Variants in CDH4 observed in about 807,000 individuals in gnomAD.
The protein encoded by CDH4 is cadherin 4.
CDH4 carries 33 observed loss-of-function variants against 86.0 expected under a neutral mutation model. The ratio of observed to expected loss-of-function variants is 0.38; its 90% CI spans 0.29 to 0.51. The LOEUF (loss-of-function observed/expected upper bound fraction) is 0.51. Ranked by LOEUF, CDH4 falls within the 20% of genes least tolerant of loss-of-function variation. The pLI is 0.86. For missense variants in CDH4, 1,114 were observed against 1,307.4 expected, an observed-to-expected ratio of 0.85 and a Z score of 2.28; for synonymous variants, 555 against 549.4, an observed-to-expected ratio of 1.01 and a Z score of -0.14.
intron 2 of CDH4, among the ~76,000 whole-genome samples, chr20:61,602,692 AT>A (rs2086610869): frequency 1.3e-5 from 1 of 75,296 alleles, no homozygotes; most frequent in Admixed American, 1.5e-4. Flanking sequence ...CATTCACTTT[AT>A]TAAAAAAAAA....
At chr20:61,547,456 C>T (rs2086097074) in intron 2 of CDH4, among the ~76,000 whole-genome samples, 1 of 151,822 alleles carries the variant, frequency 6.6e-6, no homozygotes, top group African/African-American at 2.4e-5. Flanking sequence ...CCTTGTGATC[C>T]ACCCACCTCA....
At chr20:61,601,018 G>C (rs981274369) in intron 2 of CDH4, among the ~76,000 whole-genome samples, 2 of 152,142 alleles carry the variant, frequency 1.3e-5, no homozygotes, top group African/African-American at 4.8e-5. Flanking sequence ...TCCCTTGTGT[G>C]TTAGTCTGTT....
At chr20:61,707,389 G>T (rs746201087) in intron 2 of CDH4, among the ~76,000 whole-genome samples, 1 of 152,238 alleles carries the variant, frequency 6.6e-6, no homozygotes, top group East Asian at 1.9e-4. Context: ...CTGTTATACA[G>T]GGAAAGGACA....
chr20:61,757,449 C>A (rs574060236), intron 3 of CDH4, among the ~76,000 whole-genome samples: 1 of 152,244 alleles, frequency 6.6e-6, no homozygotes, highest in Non-Finnish European at 1.5e-5. Flanking sequence ...CAGCCTTGAA[C>A]GACATCTGGG....
At chr20:61,914,563 C>A (rs537071425) in intron 9 of CDH4, among the ~76,000 whole-genome samples, 2 of 151,084 alleles carry the variant, frequency 1.3e-5, no homozygotes, top group East Asian at 2.0e-4. Context: ...AGCAGAATAA[C>A]CCTGGAATCG....
At chr20:61,853,299 C>T (rs1183105944) in intron 6 of CDH4, among the ~76,000 whole-genome samples, 2 of 152,084 alleles carry the variant, frequency 1.3e-5, no homozygotes, top group Non-Finnish European at 1.5e-5. Flanking sequence ...GCTAGGGGAG[C>T]AAGGTGCCCA....
chr20:61,638,462 A>T (rs933688486), intron 2 of CDH4, among the ~76,000 whole-genome samples: 2 of 152,152 alleles, frequency 1.3e-5, no homozygotes, highest in African/African-American at 4.8e-5. Flanking sequence ...ATATGAACAG[A>T]AGAGCAGGAA....
In CDH4 at chr20:61,873,736, G is replaced by A. The variant is rs770909673; in HGVS notation, c.886G>A (p.Val296Met). The change falls in exon 7 of 16, where the codon GTG becomes ATG. Residue 296 changes from valine (V) to methionine (M), a missense_variant. By Grantham distance (21) the Val-to-Met change is conservative (BLOSUM62 1). This residue lies in a region of CDH4 where 705 missense variants were observed against 914.1 expected (regional missense o/e 0.77). Transcript: ENST00000614565. ...TGCTGTCTCCGTTCCAGGCACCTAC[G>A]TGATGACCGTCACGGCCAACGATGC... The part of the protein sequence containing the change: ...VDEGSKPGTY[V>M]MTVTANDADD... 11 of 1,613,140 alleles carry A rather than the reference G, an allele frequency of 6.8e-6. No homozygotes were observed. The highest frequency in any genetic ancestry group is 1.6e-4 in the Middle Eastern group (1 of 6,084).
At chr20:61,296,201 T>A (rs1425982406) in intron 2 of CDH4, among the ~76,000 whole-genome samples, 12 of 151,604 alleles carry the variant, frequency 7.9e-5, no homozygotes, top group African/African-American at 2.7e-4. Flanking sequence ...TGTGTGTGTG[T>A]GAGAGAGAGA....
chr20:61,721,744 CT>C lies in CDH4; in HGVS notation c.170-21818del, dbSNP rs2088044598. On this transcript the variant is annotated intron_variant, in intron 2 of 15. Coordinates refer to ENST00000614565, the MANE Select transcript of CDH4 (RefSeq NM_001794.5). Reference sequence around the variant, plus strand: ...TGAGGCTTGGGGATCGGTCAAGGACCTCGTGAAGTATCAATCACCTCCAAAC... The same window carrying C: ...TGAGGCTTGGGGATCGGTCAAGGACCCGTGAAGTATCAATCACCTCCAAAC... Among the ~76,000 whole-genome samples, 7 of 152,290 alleles carry C rather than the reference CT, an allele frequency of 4.6e-5. No homozygotes were observed. In the South Asian group the frequency reaches 1.5e-3, roughly 32 times the overall value.
chr20:61,680,984 T>C (rs912537949), intron 2 of CDH4, among the ~76,000 whole-genome samples: 2 of 152,200 alleles, frequency 1.3e-5, no homozygotes, highest in Admixed American at 1.3e-4. Flanking sequence ...AGAATTCCTA[T>C]TTGTTCCCTC....
At chr20:61,794,995 C>T (rs1979446481) in intron 4 of CDH4, among the ~76,000 whole-genome samples, 1 of 150,186 alleles carries the variant, frequency 6.7e-6, no homozygotes, top group Non-Finnish European at 1.5e-5. Context: ...ACAGAGTGTT[C>T]CTCCACTGGG....
At chr20:61,845,440 C>T (rs866884290) in intron 5 of CDH4, among the ~76,000 whole-genome samples, 3 of 152,142 alleles carry the variant, frequency 2.0e-5, no homozygotes, top group Non-Finnish European at 4.4e-5. Flanking sequence ...CCTCCCGGGC[C>T]GAACTGACCC....
At chr20:61,297,254 C>T (rs2084360323) in intron 2 of CDH4, among the ~76,000 whole-genome samples, 2 of 152,136 alleles carry the variant, frequency 1.3e-5, no homozygotes, top group Admixed American at 6.5e-5. Context: ...CGCACGGTGG[C>T]ATGTGCCTGT....
At chr20:61,568,725 C>T (rs1198384048) in intron 2 of CDH4, among the ~76,000 whole-genome samples, 3 of 152,226 alleles carry the variant, frequency 2.0e-5, no homozygotes. Flanking sequence ...TTGGCTCAGA[C>T]ACCGCCTTTT....
intron 2 of CDH4, among the ~76,000 whole-genome samples, chr20:61,285,201 T>G (rs2084286815): frequency 6.6e-6 from 1 of 152,224 alleles, no homozygotes; most frequent in African/African-American, 2.4e-5. Flanking sequence ...TTGGCGTTAT[T>G]GGCACCATTT....
At chr20:61,666,779 G>A (rs546990316) in intron 2 of CDH4, among the ~76,000 whole-genome samples, 49 of 152,330 alleles carry the variant, frequency 3.2e-4, no homozygotes, top group African/African-American at 8.9e-4. Flanking sequence ...GGAATCTGCC[G>A]GCCACAGTGG....
rs375085484 is a variant in CDH4 at position 61,851,734 on chromosome 20, G to A, written c.733-1020G>A. 1.2e-4 allele frequency among the ~76,000 whole-genome samples: 18 copies of A among 152,284 alleles called. No homozygotes were observed. The South Asian group carries it at 3.1e-3, about 26-fold the overall frequency. ...CCCCCTCGCCTGCCGGCAGCGCCCA[G>A]CCTCTCTGTGTCCTCTGCCTTGGCC... On this transcript the variant is annotated intron_variant, in intron 5 of 15. Transcript: ENST00000614565.
intron 2 of CDH4, among the ~76,000 whole-genome samples, chr20:61,472,660 G>A (rs1412073415): frequency 6.6e-6 from 1 of 152,206 alleles, no homozygotes; most frequent in Non-Finnish European, 1.5e-5. Context: ...CTCACAGCTT[G>A]ACTGTCAGAA....
Sources: gnomAD v4.1 joint callset for allele counts (sites outside exome capture counted in the v4.1 genomes callset) on GRCh38, gnomAD v4.1.1 for gene constraint, gnomAD v4.1.1 regional missense constraint, MANE v1.5 for transcripts, NCBI Gene and HGNC (gene_info 2026-07-23, HGNC 2026-07-21) for gene names.